The following NECAB2 variants were observed in gnomAD, a reference collection of about 807,000 sequenced individuals.
NECAB2 encodes N-terminal EF-hand calcium binding protein 2.
Under a neutral mutation model 51.9 loss-of-function variants are expected in NECAB2, and 68 were observed. That is an observed-to-expected ratio of 1.31 (90% CI 1.08 to 1.60). The LOEUF is 1.60. NECAB2 is among the 40% of genes most tolerant of loss of function. The pLI is 0.00. For missense variants in NECAB2, 854 were observed against 490.3 expected, an observed-to-expected ratio of 1.74 and a Z score of -7.00; for synonymous variants, 329 against 203.5, an observed-to-expected ratio of 1.62 and a Z score of -5.25.
At chr16:83,977,077 C>T (rs1485712036) in intron 2 of NECAB2, among the ~76,000 whole-genome samples, 2 of 152,244 alleles carry the variant, frequency 1.3e-5, no homozygotes, top group Non-Finnish European at 2.9e-5. Context: ...TGGTCTCATC[C>T]TCTCGGCAGA....
chr16:83,974,518 C>T (rs1026161972), intron 2 of NECAB2, among the ~76,000 whole-genome samples: 6 of 152,092 alleles, frequency 3.9e-5, no homozygotes, highest in African/African-American at 1.4e-4. Context: ...GGGAGGCTGC[C>T]AGCAGTCACT....
intron 5 of NECAB2, among the ~76,000 whole-genome samples, chr16:83,983,533 T>C (rs1425677782): frequency 6.6e-6 from 1 of 152,210 alleles, no homozygotes; most frequent in African/African-American, 2.4e-5. Context: ...CATTTTGTCT[T>C]AGGAGGGTGG....
In NECAB2 at chr16:83,982,001, G is replaced by A. The variant is rs1443784519; in HGVS notation, c.459+874G>A. On this transcript the variant is annotated intron_variant, in intron 5 of 12. Coordinates refer to ENST00000305202, the MANE Select transcript of NECAB2 (RefSeq NM_019065.3). ...CTGAGCTGGTTATTTCCCTTTCTGA[G>A]CCTCAGTTTTTCCATCTGTGAAATG... Among the ~76,000 whole-genome samples, 3 of 152,162 alleles carry A rather than the reference G, an allele frequency of 2.0e-5. No individual in the cohort carries two copies. In the East Asian group the frequency reaches 5.8e-4, roughly 29 times the overall value.
chr16:83,988,787 C>T (rs1310878223), intron 5 of NECAB2, among the ~76,000 whole-genome samples: 1 of 152,108 alleles, frequency 6.6e-6, no homozygotes, highest in Admixed American at 6.5e-5. Flanking sequence ...GAGCCTTTCC[C>T]TGTGGAGTCT....
intron 5 of NECAB2, among the ~76,000 whole-genome samples, chr16:83,983,979 C>CAT (rs142430669): frequency 0.18 from 26,883 of 145,558 alleles, 5,070 homozygotes; most frequent in African/African-American, 0.49. Context: ...TTGTAAAATA[C>CAT]ATATATATAT....
At chr16:83,971,789 G>C in intron 1 of NECAB2, 1 of 406,854 alleles carries the variant, frequency 2.5e-6, no homozygotes, top group South Asian at 3.3e-5. Context: ...ACACTGATTC[G>C]GAGTGTGGTT....
chr16:84,000,033 T>G (rs1280684000), intron 10 of NECAB2, among the ~76,000 whole-genome samples: 1 of 150,960 alleles, frequency 6.6e-6, no homozygotes, highest in Non-Finnish European at 1.5e-5. Context: ...ATTACAGGGA[T>G]GTGCCACCAG....
intron 2 of NECAB2, among the ~76,000 whole-genome samples, 192 bp downstream of exon 2, chr16:83,972,367 G>C (rs11648081): frequency 6.6e-6 from 1 of 152,212 alleles, no homozygotes; most frequent in Non-Finnish European, 1.5e-5. Flanking sequence ...GGGAATCCTA[G>C]TAGGGCCTAC....
intron 2 of NECAB2, 45 bp downstream of exon 2, chr16:83,972,220 C>G (rs1188693000): frequency 2.5e-5 from 41 of 1,612,708 alleles, no homozygotes; most frequent in Non-Finnish European, 3.5e-5. Flanking sequence ...TCCTTCTGTC[C>G]TCGTGCTTCA....
At chr16:83,994,870 C>T (rs1053601769) in intron 8 of NECAB2, among the ~76,000 whole-genome samples, 182 bp downstream of exon 8, 8 of 152,138 alleles carry the variant, frequency 5.3e-5, no homozygotes, top group Admixed American at 2.6e-4. Context: ...CCGGGGGATG[C>T]TCGTGTTGTT....
chr16:83,999,419 A>C (rs1186152142), intron 10 of NECAB2, among the ~76,000 whole-genome samples: 1 of 152,168 alleles, frequency 6.6e-6, no homozygotes, highest in African/African-American at 2.4e-5. Context: ...CGGTGGACGT[A>C]GAGGCTCTGG....
At chr16:83,996,574 G>A (rs1332350702) in intron 8 of NECAB2, among the ~76,000 whole-genome samples, 2 of 151,748 alleles carry the variant, frequency 1.3e-5, no homozygotes, top group Non-Finnish European at 2.9e-5. Flanking sequence ...GCTGAAGGAA[G>A]CAGCAGCATG....
At chr16:84,001,750 CTAGGA>C in intron 11 of NECAB2, 70 bp from the exon 12 acceptor site, 1 of 1,524,910 alleles carries the variant, frequency 6.6e-7, no homozygotes, top group Non-Finnish European at 9.1e-7. Flanking sequence ...TGGGCTAGAG[CTAGGA>C]TTAACAGGGG....
chr16:83,998,246 G>T lies in NECAB2; in HGVS notation c.891G>T (p.Glu297Asp). The change falls in exon 10 of 13, where the codon GAG (glutamate) becomes GAT (aspartate). Residue 297 changes from glutamate to aspartate, a missense_variant. Glu to Asp is a conservative substitution (Grantham distance 45). Coordinates refer to ENST00000305202, the MANE Select transcript of NECAB2 (RefSeq NM_019065.3). ...GGCAGGAGATGGCCGTGTGCCCCGA[G>T]CAACTGAGCGAGTTTCTGGACTCTC... ...LVRQEMAVCP[E>D]QLSEFLDSLR... is the part of the protein sequence containing the mutation. 6.2e-7 allele frequency: 1 copy of T among 1,612,744 alleles called. No individual in the cohort carries two copies.
intron 2 of NECAB2, 76 bp from the exon 3 acceptor site, chr16:83,978,368 G>A: frequency 8.6e-7 from 1 of 1,161,624 alleles, no homozygotes; most frequent in Non-Finnish European, 1.3e-6. Flanking sequence ...ACTGGATTTG[G>A]GGGCCGTGCA....
At position 84,002,576 on chromosome 16, in the gene NECAB2, G is replaced by A. The variant is rs1597237025; in HGVS notation, c.*230G>A. ...GTGAAGCCCAAGGTTGAAGGGGGCG[G>A]CTTCCTGGAGCCAGCACCCCTGCCT... On this transcript the variant is annotated 3_prime_UTR_variant, in exon 13 of 13. Transcript: ENST00000305202. 5.0e-6 allele frequency: 3 copies of A among 600,890 alleles called. No homozygotes were observed. The highest frequency in any genetic ancestry group is 1.9e-5 in the African/African-American group (1 of 53,698). The allele number at this position is 600,890 out of a possible 1,614,324, so 37.2% of individuals were successfully genotyped here.
intron 2 of NECAB2, among the ~76,000 whole-genome samples, chr16:83,977,289 C>G (rs2084423234): frequency 6.6e-6 from 1 of 152,044 alleles, no homozygotes; most frequent in African/African-American, 2.4e-5. Context: ...TAAGGAGGAA[C>G]AGATCCTTGA....
intron 2 of NECAB2, among the ~76,000 whole-genome samples, chr16:83,977,306 G>A (rs1348977938): frequency 1.3e-5 from 2 of 152,126 alleles, no homozygotes; most frequent in African/African-American, 4.8e-5. Flanking sequence ...TTGAGGAGGG[G>A]GGAGGTGGCT....
intron 2 of NECAB2, among the ~76,000 whole-genome samples, chr16:83,973,868 T>C: frequency 6.6e-6 from 1 of 152,140 alleles, no homozygotes; most frequent in African/African-American, 2.4e-5. Context: ...TAGCCATGGC[T>C]GTGCATCCCG....
Sources: allele counts gnomAD v4.1 joint callset (sites outside exome capture counted in the v4.1 genomes callset), GRCh38; gene constraint gnomAD v4.1.1; transcripts MANE v1.5; gene names NCBI Gene and HGNC (gene_info 2026-07-23, HGNC 2026-07-21).